The following NFKBIL1 variants were observed in gnomAD, a reference collection of about 807,000 sequenced individuals.
The protein encoded by NFKBIL1 is NF-kappa-B inhibitor-like protein 1.
NFKBIL1 carries 30 observed loss-of-function variants against 45.4 expected under a neutral mutation model. The observed-to-expected ratio is 0.66, with a 90% confidence interval of 0.49 to 0.90. NFKBIL1 has a LOEUF of 0.90. Ranked by LOEUF, NFKBIL1 falls within the 40% of genes least tolerant of loss-of-function variation. The pLI, the probability that NFKBIL1 is intolerant of heterozygous loss-of-function variation, is 0.00. For missense variants in NFKBIL1, 434 were observed against 513.4 expected, an observed-to-expected ratio of 0.85 and a Z score of 1.49; for synonymous variants, 179 against 197.3, an observed-to-expected ratio of 0.91 and a Z score of 0.78.
At position 31,547,641 on chromosome 6, in the gene NFKBIL1, A is replaced by G. The variant is rs1769134237; in HGVS notation, c.-54A>G. ...CCTCCCGTCTCCGAGCTTCTTAAAC[A>G]CAGGCCTTGGGCCTACGGCTCTGGG... On this transcript the variant is annotated 5_prime_UTR_variant, in exon 1 of 4. Transcript: ENST00000376148. 2 of 1,355,926 alleles carry G rather than the reference A, an allele frequency of 1.5e-6. No individual in the cohort carries two copies. Among genetic ancestry groups the G allele is most frequent in the Non-Finnish European group, 2.1e-6 (2 of 970,870 alleles). 84.0% of individuals were successfully genotyped at this position (1,355,926 alleles called of 1,614,324 possible).
intron 1 of NFKBIL1, 120 bp from the exon 2 acceptor site, chr6:31,548,043 T>C: frequency 7.3e-7 from 1 of 1,363,320 alleles, no homozygotes; most frequent in Non-Finnish European, 1.0e-6. Context: ...GCCTCATCTC[T>C]TGCTGAAGAT....
Position 31,558,546 on chromosome 6 carries a change from C to T in NFKBIL1, c.1081C>T (p.Arg361Cys), listed in dbSNP as rs1769915127. ...RSQIETWELG[R>C]VMGAVTALSQ... ...CCAGATTGAGACCTGGGAGCTGGGC[C>T]GTGTGATGGGAGCAGTGACAGCCCT... The change falls in exon 4 of 4, where the codon CGT becomes TGT. Residue 361 changes from arginine to cysteine, a missense_variant. This residue lies in a region of NFKBIL1 where 52 missense variants were observed against 95.9 expected (regional missense o/e 0.54). Transcript: ENST00000376148. This position sits in a 1 kb window ranked among gnomAD's most constrained non-coding sequence, Gnocchi z 7.2. 1 of 1,564,886 alleles carries T rather than the reference C, an allele frequency of 6.4e-7. No homozygotes were observed. The highest frequency in any genetic ancestry group is 8.7e-7 in the Non-Finnish European group (1 of 1,154,554).
chr6:31,550,754 A>C (rs1769386093), intron 2 of NFKBIL1, among the ~76,000 whole-genome samples: 1 of 152,082 alleles, frequency 6.6e-6, no homozygotes, highest in African/African-American at 2.4e-5. Flanking sequence ...CAATGGCGCG[A>C]TTTCAGCCCA....
chr6:31,556,278 C>A (rs1769736669), intron 2 of NFKBIL1, among the ~76,000 whole-genome samples: 1 of 152,186 alleles, frequency 6.6e-6, no homozygotes, highest in African/African-American at 2.4e-5. Context: ...TGGGCCTTCG[C>A]CAGCCACACC....
chr6:31,548,776 A>G (rs543269786), intron 2 of NFKBIL1, among the ~76,000 whole-genome samples: 1 of 152,316 alleles, frequency 6.6e-6, no homozygotes, highest in South Asian at 2.1e-4. Context: ...CCCAGCTCCA[A>G]ATCCCAGCTC....
rs201539118 is a variant in NFKBIL1, at chr6:31,558,164, C to T, written c.699C>T (p.Ser233=). The change falls in exon 4 of 4, where the codon AGC becomes AGT. Residue 233 remains serine (S), a synonymous_variant. Coordinates refer to ENST00000376148, the MANE Select transcript of NFKBIL1 (RefSeq NM_005007.4). This position sits in a 1 kb window ranked among gnomAD's most constrained non-coding sequence, Gnocchi z 7.2. ...SRRPPRAEGS[S]QSWRQQEEEQ... ...GACCCCCACGTGCTGAGGGCTCCAG[C>T]CAGAGCTGGCGACAGCAGGAGGAGG... 82 of 1,610,590 alleles carry T rather than the reference C, an allele frequency of 5.1e-5. No homozygotes were observed. In the South Asian group the frequency reaches 8.8e-4, roughly 17 times the overall value.
chr6:31,549,379 G>A lies in NFKBIL1; in HGVS notation c.334+940G>A, dbSNP rs3219181. Among the ~76,000 whole-genome samples, 3 of 151,532 alleles carry A rather than the reference G, an allele frequency of 2.0e-5. No individual in the cohort carries two copies. In the East Asian group the frequency reaches 5.8e-4, roughly 29 times the overall value. On this transcript the variant is annotated intron_variant, in intron 2 of 3. Transcript: ENST00000376148. ...TGATTCTCATGCGTCAGCCTCCCAA[G>A]TAGCTAGGATTACAGGCGCATGCCA...
Position 31,558,718 on chromosome 6 carries a change from C to A in NFKBIL1, c.*107C>A. On this transcript the variant is annotated 3_prime_UTR_variant, in exon 4 of 4. Coordinates refer to ENST00000376148, the MANE Select transcript of NFKBIL1 (RefSeq NM_005007.4). This position sits in a 1 kb window ranked among gnomAD's most constrained non-coding sequence, Gnocchi z 7.2. ...CAAGGAAGAGCCAGGTGCTGCTCAG[C>A]AGAGGATATGGGTGGGAGCGAAAGT... The A allele has an allele frequency of 9.9e-7, 1 of 1,012,170 alleles. No individual in the cohort carries two copies. Among genetic ancestry groups the A allele is most frequent in the Non-Finnish European group, 1.4e-6 (1 of 706,216 alleles). 62.7% of individuals were successfully genotyped at this position (1,012,170 alleles called of 1,614,324 possible). A position where few individuals can be genotyped will look rare whatever the true frequency, so the allele number is the denominator to read the frequency against.
chr6:31,558,009 CCCT>C lies in NFKBIL1; in HGVS notation c.557-10_557-8del. 1.3e-5 allele frequency: 19 copies of C among 1,505,756 alleles called. No homozygotes were observed. The highest frequency in any genetic ancestry group is 2.3e-5 in the East Asian group (1 of 43,688). The allele number at this position is 1,505,756 out of a possible 1,614,324, so 93.3% of individuals were successfully genotyped here. ...CCTCTCTCCAACTACCCCCATCCCA[CCCT>C]CCCAAACAGGTGATGCCTCCCATGA... On this transcript the variant is annotated splice_polypyrimidine_tract_variant and intron_variant, in intron 3 of 3. Coordinates refer to ENST00000376148, the MANE Select transcript of NFKBIL1 (RefSeq NM_005007.4). The surrounding 1 kb of genome is among the most constrained non-coding windows in gnomAD (Gnocchi z 7.2).
At chr6:31,548,057 A>T (rs557647462) in intron 1 of NFKBIL1, 106 bp from the exon 2 acceptor site, 62 of 1,436,558 alleles carry the variant, frequency 4.3e-5, no homozygotes, top group South Asian at 6.1e-5. Context: ...TGAAGATATT[A>T]AAAAAAGACG....
chr6:31,557,927 T>C lies in NFKBIL1; in HGVS notation c.556+78T>C. On this transcript the variant is annotated intron_variant, in intron 3 of 3. Coordinates refer to ENST00000376148, the MANE Select transcript of NFKBIL1 (RefSeq NM_005007.4). This position sits in a 1 kb window ranked among gnomAD's most constrained non-coding sequence, Gnocchi z 5.4. ...TCTGCATGAATGCGTCACACTAGGC[T>C]CCTCTGCCCCCTCCTCTGTGCTTCC... is the stretch of plus-strand genomic sequence containing the variant. 1 of 1,497,656 alleles carries C rather than the reference T, an allele frequency of 6.7e-7. No homozygotes were observed. The highest frequency in any genetic ancestry group is 9.0e-7 in the Non-Finnish European group (1 of 1,107,534). 92.8% of individuals were successfully genotyped at this position (1,497,656 alleles called of 1,614,324 possible). A position where few individuals can be genotyped will look rare whatever the true frequency, so the allele number is the denominator to read the frequency against.
Position 31,558,131 on chromosome 6 carries a change from A to C in NFKBIL1, c.666A>C (p.Gly222=). 2 of 1,612,068 alleles carry C rather than the reference A, an allele frequency of 1.2e-6. No homozygotes were observed. The highest frequency in any genetic ancestry group is 1.7e-6 in the Non-Finnish European group (2 of 1,179,704). ...AGCAGCAGCAGCGAGAAGCAGAGGG[A>C]TCCCGTCGACCCCCACGTGCTGAGG... ...KCQQQQREAE[G]SRRPPRAEGS... Residue 222 remains glycine (G), a synonymous_variant, in exon 4 of 4, where the codon GGA becomes GGC. Coordinates refer to ENST00000376148, the MANE Select transcript of NFKBIL1 (RefSeq NM_005007.4). This position sits in a 1 kb window ranked among gnomAD's most constrained non-coding sequence, Gnocchi z 7.2.
intron 2 of NFKBIL1, among the ~76,000 whole-genome samples, chr6:31,548,923 C>T (rs1293926960): frequency 6.6e-6 from 1 of 152,172 alleles, no homozygotes; most frequent in Non-Finnish European, 1.5e-5. Context: ...TCACAACAAT[C>T]TTAGGAGGTG....
Position 31,558,705 on chromosome 6 carries a change from A to G in NFKBIL1, c.*94A>G. 1 of 1,003,722 alleles carries G rather than the reference A, an allele frequency of 1.0e-6. No individual in the cohort carries two copies. 62.2% of individuals were successfully genotyped at this position (1,003,722 alleles called of 1,614,324 possible). A position where few individuals can be genotyped will look rare whatever the true frequency, so the allele number is the denominator to read the frequency against. Reference sequence around the variant, plus strand: ...AGGATGGGGACCACAAGGAAGAGCCAGGTGCTGCTCAGCAGAGGATATGGG... The same window carrying G: ...AGGATGGGGACCACAAGGAAGAGCCGGGTGCTGCTCAGCAGAGGATATGGG... On this transcript the variant is annotated 3_prime_UTR_variant, in exon 4 of 4. Coordinates refer to ENST00000376148, the MANE Select transcript of NFKBIL1 (RefSeq NM_005007.4). This position sits in a 1 kb window ranked among gnomAD's most constrained non-coding sequence, Gnocchi z 7.2.
intron 1 of NFKBIL1, 31 bp downstream of exon 1, chr6:31,547,782 T>C (rs749791825): frequency 2.6e-6 from 4 of 1,557,816 alleles, no homozygotes; most frequent in Non-Finnish European, 3.5e-6. Flanking sequence ...AGATCATTAT[T>C]GGAGATTATC....
At chr6:31,549,968 A>G (rs76605657) in intron 2 of NFKBIL1, among the ~76,000 whole-genome samples, 6,494 of 152,226 alleles carry the variant, frequency 0.043, 247 homozygotes, top group South Asian at 0.16. Context: ...TTGGGAGGCC[A>G]AGGCAGTCAG....
intron 2 of NFKBIL1, among the ~76,000 whole-genome samples, chr6:31,554,790 G>A (rs1002674895): frequency 8.5e-5 from 13 of 152,196 alleles, no homozygotes; most frequent in Admixed American, 8.5e-4. Flanking sequence ...CAGAAAGACT[G>A]TAAGATACTC....
Position 31,558,146 on chromosome 6 carries a change from A to C in NFKBIL1, c.681A>C (p.Pro227=), listed in dbSNP as rs1436738092. ...QREAEGSRRP[P]RAEGSSQSWR... is the part of the protein sequence containing the mutation. ...AAGCAGAGGGATCCCGTCGACCCCC[A>C]CGTGCTGAGGGCTCCAGCCAGAGCT... Residue 227 remains proline (P), a synonymous_variant, in exon 4 of 4, where the codon CCA becomes CCC. Transcript: ENST00000376148. The surrounding 1 kb of genome is among the most constrained non-coding windows in gnomAD (Gnocchi z 7.2). 6.2e-7 allele frequency: 1 copy of C among 1,611,656 alleles called. No homozygotes were observed. Among genetic ancestry groups the C allele is most frequent in the Admixed American group, 1.7e-5 (1 of 59,876 alleles).
chr6:31,547,961 G>A (rs1769176824), intron 1 of NFKBIL1, among the ~76,000 whole-genome samples: 2 of 151,874 alleles, frequency 1.3e-5, no homozygotes, highest in South Asian at 4.2e-4. Context: ...TTAAACCTCT[G>A]ATCCTATCAC....
Sources: gnomAD v4.1 joint callset for allele counts (sites outside exome capture counted in the v4.1 genomes callset) on GRCh38, gnomAD v4.1.1 for gene constraint, gnomAD v4.1.1 regional missense constraint, Gnocchi (gnomAD v3.1) non-coding constraint, MANE v1.5 for transcripts, NCBI Gene and HGNC (gene_info 2026-07-23, HGNC 2026-07-21) for gene names.